DENND1A: variants seen among roughly 807,000 people sequenced by gnomAD.
DENND1A encodes DENN domain-containing protein 1A.
Under a neutral mutation model 113.7 loss-of-function variants are expected in DENND1A, and 51 were observed. The ratio of observed to expected loss-of-function variants is 0.45; its 90% confidence interval spans 0.36 to 0.57. DENND1A has a LOEUF of 0.57. Ranked by LOEUF, DENND1A falls within the 20% of genes least tolerant of loss-of-function variation. The probability of loss-of-function intolerance (pLI) is 0.00; values close to 1 mark genes in which losing one functional copy is unlikely to be tolerated. For synonymous variants in DENND1A, 565 were observed against 570.8 expected, an observed-to-expected ratio of 0.99 and a Z score of 0.14; for missense variants, 1,258 against 1,395.9, an observed-to-expected ratio of 0.90 and a Z score of 1.57.
intron 13 of DENND1A, among the ~76,000 whole-genome samples, chr9:123,519,635 T>C (rs1213374100): frequency 6.6e-6 from 1 of 152,052 alleles, no homozygotes; most frequent in Non-Finnish European, 1.5e-5. Flanking sequence ...GCCAGGCCGG[T>C]CTTGAACTCT....
At chr9:123,812,952 T>C (rs551059880) in intron 2 of DENND1A, among the ~76,000 whole-genome samples, 1 of 152,252 alleles carries the variant, frequency 6.6e-6, no homozygotes, top group South Asian at 2.1e-4. Context: ...TGGTTTGTGA[T>C]GTTTCTTTGT....
At chr9:123,824,224 A>C (rs186317303) in intron 2 of DENND1A, among the ~76,000 whole-genome samples, 1 of 152,266 alleles carries the variant, frequency 6.6e-6, no homozygotes, top group African/African-American at 2.4e-5. Context: ...AAGGAGCAGA[A>C]CCAGGACTTA....
intron 11 of DENND1A, among the ~76,000 whole-genome samples, chr9:123,602,187 T>A (rs1050099350): frequency 1.3e-5 from 2 of 152,212 alleles, no homozygotes; most frequent in African/African-American, 4.8e-5. Context: ...TGTTTGCATA[T>A]AACCAATGCA....
Position 123,506,724 on chromosome 9 carries a change from T to A in DENND1A, c.994-48827A>T, listed in dbSNP as rs192055559. On this transcript the variant is annotated intron_variant, in intron 13 of 23. Coordinates refer to ENST00000394215, the MANE Select transcript of DENND1A (RefSeq NM_001352964.2). The stretch of plus-strand genomic sequence containing the variant: ...AGGAAATAGGCTCAGAGAGATTAAA[T>A]TACCTGTACAGGGTCACATAGCCAG... Among the ~76,000 whole-genome samples, 670 of 152,088 alleles carry A rather than the reference T, an allele frequency of 4.4e-3. 1 individual carries two copies. Among genetic ancestry groups the A allele is most frequent in the Non-Finnish European group, 6.0e-3 (406 of 68,010 alleles).
At chr9:123,913,327 A>T (rs1854424219) in intron 1 of DENND1A, among the ~76,000 whole-genome samples, 1 of 152,110 alleles carries the variant, frequency 6.6e-6, no homozygotes, top group African/African-American at 2.4e-5. Context: ...TCCAGCGAAC[A>T]AATTAAAGCA....
chr9:123,815,306 C>T (rs917787322), intron 2 of DENND1A, among the ~76,000 whole-genome samples: 1 of 152,184 alleles, frequency 6.6e-6, no homozygotes, highest in Non-Finnish European at 1.5e-5. Flanking sequence ...AACCACTGAC[C>T]AGCAGACGAA....
chr9:123,582,940 C>T (rs2058989701), intron 12 of DENND1A, among the ~76,000 whole-genome samples: 3 of 151,942 alleles, frequency 2.0e-5, no homozygotes, highest in Admixed American at 2.0e-4. Flanking sequence ...CTCAGGTGAT[C>T]CACCCGCCTC....
intron 13 of DENND1A, among the ~76,000 whole-genome samples, chr9:123,516,155 C>CACAA (rs1452989484): frequency 1.1e-4 from 11 of 103,000 alleles, no homozygotes; most frequent in African/African-American, 5.0e-4. Context: ...CACACACACA[C>CACAA]AAAGGTTGGG....
At chr9:123,582,455 A>G (rs1013457884) in intron 12 of DENND1A, among the ~76,000 whole-genome samples, 11 of 150,912 alleles carry the variant, frequency 7.3e-5, no homozygotes, top group African/African-American at 2.2e-4. Context: ...ACTGGAGTGC[A>G]GTGGCACGAT....
At chr9:123,530,329 C>T (rs1487250887) in intron 13 of DENND1A, among the ~76,000 whole-genome samples, 1 of 151,962 alleles carries the variant, frequency 6.6e-6, no homozygotes, top group Non-Finnish European at 1.5e-5. Flanking sequence ...ATGGATTTTT[C>T]ATAAAAGAAT....
intron 21 of DENND1A, among the ~76,000 whole-genome samples, chr9:123,395,955 G>A (rs1223618799): frequency 6.6e-6 from 1 of 151,810 alleles, no homozygotes; most frequent in Admixed American, 6.6e-5. Flanking sequence ...CTGAGGAAGA[G>A]CTCACAGACT....
chr9:123,839,531 G>A (rs1233486487), intron 2 of DENND1A, among the ~76,000 whole-genome samples: 1 of 152,150 alleles, frequency 6.6e-6, no homozygotes, highest in African/African-American at 2.4e-5. Flanking sequence ...CGACAGACAG[G>A]CCAATTTCCC....
At chr9:123,789,231 G>A (rs1832650872) in intron 3 of DENND1A, among the ~76,000 whole-genome samples, 1 of 151,692 alleles carries the variant, frequency 6.6e-6, no homozygotes, top group Non-Finnish European at 1.5e-5. Flanking sequence ...GTGGTCTGAG[G>A]GTGTCACAGA....
intron 22 of DENND1A, among the ~76,000 whole-genome samples, chr9:123,386,486 A>G (rs1225629326): frequency 6.7e-6 from 1 of 150,254 alleles, no homozygotes; most frequent in Non-Finnish European, 1.5e-5. Flanking sequence ...GGTTCAAGTG[A>G]TTCTCGTGCC....
chr9:123,609,293 G>A (rs976302217), intron 11 of DENND1A, 143 bp downstream of exon 11: 31 of 777,780 alleles, frequency 4.0e-5, no homozygotes, highest in Non-Finnish European at 5.2e-5. Flanking sequence ...CAAACCGAAC[G>A]CTCAGCTCTG....
intron 2 of DENND1A, among the ~76,000 whole-genome samples, chr9:123,814,345 T>C (rs555487739): frequency 6.6e-6 from 1 of 152,252 alleles, no homozygotes; most frequent in South Asian, 2.1e-4. Context: ...CCTAACTTAT[T>C]GAGAATATCA....
chr9:123,858,682 G>T (rs1366988307), intron 2 of DENND1A, among the ~76,000 whole-genome samples: 1 of 152,166 alleles, frequency 6.6e-6, no homozygotes, highest in Non-Finnish European at 1.5e-5. Context: ...TGAGGACCCA[G>T]GTCTGGCACT....
intron 12 of DENND1A, among the ~76,000 whole-genome samples, chr9:123,578,341 C>A (rs1242921596): frequency 6.6e-6 from 1 of 152,152 alleles, no homozygotes; most frequent in East Asian, 1.9e-4. Flanking sequence ...GTCTGTTGTC[C>A]AACATGTGAA....
At chr9:123,823,608 A>G (rs932110406) in intron 2 of DENND1A, among the ~76,000 whole-genome samples, 1 of 152,226 alleles carries the variant, frequency 6.6e-6, no homozygotes, top group Non-Finnish European at 1.5e-5. Context: ...AAAAGATCCC[A>G]TGTGTCTTCC....
Sources: gnomAD v4.1 joint callset for allele counts (sites outside exome capture counted in the v4.1 genomes callset) on GRCh38, gnomAD v4.1.1 for gene constraint, MANE v1.5 for transcripts, NCBI Gene and HGNC (gene_info 2026-07-23, HGNC 2026-07-21) for gene names.